Variants in ZNF638 observed in about 807,000 individuals in gnomAD.
The protein encoded by ZNF638 is CTCL tumor antigen se33-1.
Under a neutral mutation model 195.6 loss-of-function variants are expected in ZNF638, and 46 were observed. The ratio of observed to expected loss-of-function variants is 0.24; its 90% CI spans 0.19 to 0.30. ZNF638 has a LOEUF of 0.30. Among genes scored for constraint, ZNF638 ranks in the 10% least tolerant of loss-of-function variants. The probability of loss-of-function intolerance (pLI) is 1.00; values close to 1 mark genes in which losing one functional copy is unlikely to be tolerated. For missense variants in ZNF638, 2,440 were observed against 2,325.3 expected, an observed-to-expected ratio of 1.05 and a Z score of -1.01; for synonymous variants, 845 against 772.0, an observed-to-expected ratio of 1.09 and a Z score of -1.57.
chr2:71,373,437 A>ATTTTTTTTTT (rs754117239), intron 8 of ZNF638, among the ~76,000 whole-genome samples: 1 of 71,012 alleles, frequency 1.4e-5, no homozygotes, highest in African/African-American at 5.6e-5. Flanking sequence ...TCAAGTTTGA[A>ATTTTTTTTTT]TTTTTTTTTT....
At chr2:71,388,023 TAAAG>T (rs921509482) in intron 10 of ZNF638, among the ~76,000 whole-genome samples, 3 of 151,876 alleles carry the variant, frequency 2.0e-5, no homozygotes, top group Admixed American at 6.6e-5. Context: ...CACTTATAAT[TAAAG>T]AAAAAAAAAT....
At position 71,331,807 on chromosome 2, in the gene ZNF638, A is replaced by C. The variant is rs1362716572; in HGVS notation, c.-271A>C. The C allele has an allele frequency of 7.1e-6, 7 of 985,918 alleles. No individual in the cohort carries two copies. The highest frequency in any genetic ancestry group is 4.8e-6 in the Non-Finnish European group (4 of 830,154). 61.1% of individuals were successfully genotyped at this position (985,918 alleles called of 1,614,324 possible). ...GGAGGCGGTAGCGTTTTCGGCGTCG[A>C]GACTGGAGGCTGAGTGCTAAACTGT... On this transcript the variant is annotated 5_prime_UTR_variant, in exon 1 of 28. Transcript: ENST00000264447.
intron 9 of ZNF638, 103 bp from the exon 10 acceptor site, chr2:71,380,410 T>C: frequency 1.0e-5 from 12 of 1,166,288 alleles, no homozygotes; most frequent in African/African-American, 1.6e-5. Context: ...ATCACTCCAG[T>C]TGAATTATTT....
chr2:71,380,133 T>G (rs1365873253), intron 8 of ZNF638, 89 bp from the exon 9 acceptor site: 2 of 687,324 alleles, frequency 2.9e-6, no homozygotes, highest in East Asian at 3.2e-5. Context: ...ATGTGTCCTT[T>G]AGAATAGGAA....
At chr2:71,360,723 C>T (rs767281597) in intron 3 of ZNF638, among the ~76,000 whole-genome samples, 3 of 152,104 alleles carry the variant, frequency 2.0e-5, no homozygotes, top group African/African-American at 7.2e-5. Flanking sequence ...ATTTTTGTTG[C>T]AAATGCTTCG....
At chr2:71,411,281 A>G (rs962676241) in intron 20 of ZNF638, among the ~76,000 whole-genome samples, 3 of 151,310 alleles carry the variant, frequency 2.0e-5, no homozygotes, top group East Asian at 1.9e-4. Context: ...TACAGGGATT[A>G]GCCACCATGC....
chr2:71,361,086 T>A (rs2079101216), intron 3 of ZNF638, among the ~76,000 whole-genome samples: 1 of 152,142 alleles, frequency 6.6e-6, no homozygotes, highest in Non-Finnish European at 1.5e-5. Context: ...CTCAGCCTCC[T>A]GAGTAGCTAG....
At chr2:71,400,243 T>A in intron 14 of ZNF638, 63 bp downstream of exon 14, 1 of 1,313,410 alleles carries the variant, frequency 7.6e-7, no homozygotes, top group African/African-American at 1.5e-5. Context: ...CATACCTAAG[T>A]GAAATTAAGA....
intron 25 of ZNF638, 70 bp downstream of exon 25, chr2:71,428,721 T>G: frequency 7.4e-7 from 1 of 1,347,898 alleles, no homozygotes; most frequent in Non-Finnish European, 1.0e-6. Context: ...TTTAAAGATC[T>G]ATCTAAGAAG....
At chr2:71,363,861 A>G in intron 4 of ZNF638, 93 bp from the exon 5 acceptor site, 1 of 1,415,052 alleles carries the variant, frequency 7.1e-7, no homozygotes, top group Non-Finnish European at 9.4e-7. Flanking sequence ...TATTGTTAAC[A>G]GTCTGTTTTT....
At chr2:71,419,365 T>C (rs967122537) in intron 21 of ZNF638, among the ~76,000 whole-genome samples, 3 of 152,220 alleles carry the variant, frequency 2.0e-5, no homozygotes, top group African/African-American at 7.2e-5. Context: ...TAGTCCTTGT[T>C]GTAAGAGCGT....
At chr2:71,371,012 TTC>T (rs1422479383) in intron 8 of ZNF638, among the ~76,000 whole-genome samples, 6 of 152,120 alleles carry the variant, frequency 3.9e-5, no homozygotes, top group Non-Finnish European at 7.4e-5. Context: ...TCCTTCGACT[TTC>T]TGTCTCCATG....
At chr2:71,408,457 A>G (rs893072878) in intron 20 of ZNF638, 10 of 520,002 alleles carry the variant, frequency 1.9e-5, no homozygotes, top group Non-Finnish European at 3.3e-5. Flanking sequence ...ACATATATGC[A>G]TTTTTGAATA....
intron 10 of ZNF638, among the ~76,000 whole-genome samples, chr2:71,392,279 A>G (rs1164690087): frequency 6.6e-5 from 10 of 152,100 alleles, no homozygotes. Context: ...ACTCCCTCAT[A>G]CCTAAAGCTT....
At chr2:71,375,903 A>G (rs1261590474) in intron 8 of ZNF638, 3 of 152,236 alleles carry the variant, frequency 2.0e-5, no homozygotes, top group African/African-American at 7.2e-5. Context: ...CCTTGAAAAC[A>G]GAAAGGAATA....
chr2:71,377,143 C>T (rs987114620), intron 8 of ZNF638, among the ~76,000 whole-genome samples: 5 of 151,940 alleles, frequency 3.3e-5, no homozygotes, highest in Non-Finnish European at 5.9e-5. Flanking sequence ...TGTGGTGGCA[C>T]GCACCCAGCT....
intron 10 of ZNF638, among the ~76,000 whole-genome samples, chr2:71,381,560 A>G (rs2670717): frequency 1.8e-4 from 28 of 152,098 alleles, no homozygotes; most frequent in African/African-American, 6.5e-4. Flanking sequence ...ACAAAGTTCA[A>G]TTATTCTATT....
Position 71,349,985 on chromosome 2 carries a change from C to T in ZNF638, c.1031C>T (p.Ser344Phe), listed in dbSNP as rs1221083758. 3.1e-6 allele frequency: 5 copies of T among 1,614,078 alleles called. No homozygotes were observed. In the East Asian group the frequency reaches 6.7e-5, roughly 22 times the overall value. Residue 344 changes from serine (S) to phenylalanine (F), a missense_variant, in exon 2 of 28, where the codon TCT becomes TTT. Ser to Phe is a radical substitution (Grantham distance 155). Coordinates refer to ENST00000264447, the MANE Select transcript of ZNF638 (RefSeq NM_014497.5). ...CCTTTTTCGTCGGAATTAATTTCAT[C>T]TGTAAGCCAGCAAGAGCGGATCCCA... Reference protein sequence around the residue: ...QQPFSSELISSVSQQERIPHE... With the variant: ...QQPFSSELISFVSQQERIPHE...
At chr2:71,386,661 CTAATA>C (rs758944615) in intron 10 of ZNF638, among the ~76,000 whole-genome samples, 1 of 152,012 alleles carries the variant, frequency 6.6e-6, no homozygotes, top group Non-Finnish European at 1.5e-5. Flanking sequence ...TCTTAATTCT[CTAATA>C]TGTCATGTTT....
Sources: allele counts gnomAD v4.1 joint callset (sites outside exome capture counted in the v4.1 genomes callset), GRCh38; gene constraint gnomAD v4.1.1; transcripts MANE v1.5; gene names NCBI Gene and HGNC (gene_info 2026-07-23, HGNC 2026-07-21).